SHROOM4: variants seen among roughly 807,000 people sequenced by gnomAD.
The protein encoded by SHROOM4 is protein Shroom4.
In SHROOM4, 17 loss-of-function variants were observed where a neutral mutation model predicts 80.3. The ratio of observed to expected loss-of-function variants is 0.21; its 90% confidence interval spans 0.14 to 0.32. The LOEUF (loss-of-function observed/expected upper bound fraction) is 0.32, where lower values mean the gene tolerates loss of function less well. Among genes scored for constraint, SHROOM4 ranks in the 10% least tolerant of loss-of-function variants. The probability of loss-of-function intolerance (pLI) is 1.00; values close to 1 mark genes in which losing one functional copy is unlikely to be tolerated. For missense variants in SHROOM4, 993 were observed against 1,140.3 expected, an observed-to-expected ratio of 0.87 and a Z score of 1.86; for synonymous variants, 400 against 437.5, an observed-to-expected ratio of 0.91 and a Z score of 1.07.
intron 2 of SHROOM4, among the ~76,000 whole-genome samples, chrX:50,681,360 G>A (rs1429884709): frequency 3.6e-5 from 4 of 111,413 alleles, no homozygotes; most frequent in African/African-American, 1.3e-4. Context: ...TTATATGCCT[G>A]GCTTCCTCTC....
chrX:50,634,816 G>A lies in SHROOM4; in HGVS notation c.1257C>T (p.Ser419=). ...TATCAAGGTGCACATGCTGCAGGTG[G>A]GATGCCAGCAGCTGTTCAGGGGCAC... is the stretch of plus-strand genomic sequence containing the variant. ...RHSAPEQLLA[S]HLQHVHLDTR... is the part of the protein sequence containing the mutation. Residue 419 remains serine, a synonymous_variant, in exon 4 of 9, where the codon TCC becomes TCT. Coordinates refer to ENST00000376020, the MANE Select transcript of SHROOM4 (RefSeq NM_020717.5). The A allele has an allele frequency of 8.3e-7, 1 of 1,211,118 alleles. No homozygotes were observed.
chrX:50,732,097 T>C (rs1199664319), intron 1 of SHROOM4, among the ~76,000 whole-genome samples: 2 of 111,671 alleles, frequency 1.8e-5, no homozygotes, highest in Non-Finnish European at 3.8e-5. Flanking sequence ...TAGGGAGTTG[T>C]TGTAAACAAC....
At chrX:50,802,406 C>T (rs1569549288) in intron 1 of SHROOM4, among the ~76,000 whole-genome samples, 1 of 111,918 alleles carries the variant, frequency 8.9e-6, no homozygotes, top group Non-Finnish European at 1.9e-5. Flanking sequence ...CTCAGAAGAT[C>T]CAAAACTGAA....
chrX:50,621,259 G>A (rs1353230686), intron 5 of SHROOM4, among the ~76,000 whole-genome samples: 2 of 111,831 alleles, frequency 1.8e-5, no homozygotes, highest in South Asian at 7.4e-4. Context: ...AATAGCTTGA[G>A]TCTGTTTCTA....
intron 1 of SHROOM4, among the ~76,000 whole-genome samples, chrX:50,755,659 G>C (rs1935025217): frequency 8.9e-6 from 1 of 111,846 alleles, no homozygotes; most frequent in Non-Finnish European, 1.9e-5. Context: ...TAGAAGCAGT[G>C]GTTTGAAAAA....
At chrX:50,640,215 G>A (rs1255565156) in intron 2 of SHROOM4, among the ~76,000 whole-genome samples, 1 of 111,735 alleles carries the variant, frequency 8.9e-6, no homozygotes, top group African/African-American at 3.3e-5. Context: ...AGGATATAGT[G>A]GTGAACAGGG....
chrX:50,762,248 A>C (rs1935174763), intron 1 of SHROOM4, among the ~76,000 whole-genome samples: 1 of 111,671 alleles, frequency 9.0e-6, no homozygotes, highest in African/African-American at 3.3e-5. Context: ...GGTACTCTTT[A>C]TTTCTTCCTG....
chrX:50,794,694 C>T (rs1935925016), intron 1 of SHROOM4, among the ~76,000 whole-genome samples: 1 of 107,401 alleles, frequency 9.3e-6, no homozygotes, highest in Admixed American at 1.0e-4. Flanking sequence ...TCTAGATTCA[C>T]AATCTCTAGA....
At chrX:50,649,954 G>T (rs1431310214) in intron 2 of SHROOM4, among the ~76,000 whole-genome samples, 3 of 112,175 alleles carry the variant, frequency 2.7e-5, no homozygotes, top group African/African-American at 6.5e-5. Flanking sequence ...CCACTGCAGG[G>T]TTATTCATAA....
At chrX:50,744,054 T>G (rs1212736227) in intron 1 of SHROOM4, among the ~76,000 whole-genome samples, 1 of 111,723 alleles carries the variant, frequency 9.0e-6, no homozygotes, top group Non-Finnish European at 1.9e-5. Flanking sequence ...GCTTTGAATT[T>G]CAGCATTTTG....
chrX:50,667,836 G>GTTT (rs1557260457), intron 2 of SHROOM4, among the ~76,000 whole-genome samples: 8 of 111,787 alleles, frequency 7.2e-5, no homozygotes, highest in Non-Finnish European at 1.5e-4. Context: ...GAGCTGAGAA[G>GTTT]CAACAACCTG....
intron 1 of SHROOM4, among the ~76,000 whole-genome samples, chrX:50,726,158 A>G (rs1433409211): frequency 8.9e-6 from 1 of 112,076 alleles, no homozygotes; most frequent in Non-Finnish European, 1.9e-5. Context: ...GAGATGATTT[A>G]GTATATCTGG....
rs374169450 is a variant in SHROOM4, at chrX:50,596,357, A to T, written c.*338T>A. 1.1e-4 allele frequency: 44 copies of T among 397,919 alleles called. 1 individual carries two copies. Among genetic ancestry groups the T allele is most frequent in the African/African-American group, 7.4e-4 (30 of 40,753 alleles). The allele number at this position is 397,919 out of a possible 1,213,427, so 32.8% of individuals were successfully genotyped here. A position where few individuals can be genotyped will look rare whatever the true frequency, so the allele number is the denominator to read the frequency against. ...CTGTTGATGATATGGGTGGGTGATG[A>T]GTACTTGATGTCTTTGGTGTCCTAG... is the stretch of plus-strand genomic sequence containing the variant. On this transcript the variant is annotated 3_prime_UTR_variant, in exon 9 of 9. Transcript: ENST00000376020.
intron 1 of SHROOM4, among the ~76,000 whole-genome samples, chrX:50,738,415 T>C (rs1191808316): frequency 1.3e-4 from 14 of 111,456 alleles, no homozygotes; most frequent in Non-Finnish European, 2.3e-4. Context: ...GACATGATTC[T>C]ATATTTAGAA....
At chrX:50,735,461 T>C (rs1934463569) in intron 1 of SHROOM4, among the ~76,000 whole-genome samples, 1 of 111,185 alleles carries the variant, frequency 9.0e-6, no homozygotes, top group South Asian at 3.8e-4. Context: ...AAAGAAAAAA[T>C]AGATCAATTG....
chrX:50,639,184 T>G (rs1163407645), intron 2 of SHROOM4, among the ~76,000 whole-genome samples: 8 of 112,245 alleles, frequency 7.1e-5, no homozygotes, highest in Non-Finnish European at 1.9e-5. Flanking sequence ...GCATGAGCAG[T>G]TGCCACCCTT....
At chrX:50,601,044 T>C (rs1248412641) in intron 7 of SHROOM4, among the ~76,000 whole-genome samples, 1 of 112,087 alleles carries the variant, frequency 8.9e-6, no homozygotes, top group Non-Finnish European at 1.9e-5. Flanking sequence ...TTCTTGGAAC[T>C]TGGGCTCTAC....
chrX:50,668,200 C>T (rs782550542), intron 2 of SHROOM4, among the ~76,000 whole-genome samples: 5 of 112,048 alleles, frequency 4.5e-5, no homozygotes, highest in South Asian at 3.8e-4. Flanking sequence ...CATAGGCATC[C>T]GCTCCCCGCT....
In SHROOM4 at chrX:50,814,088, T is replaced by C. The variant is rs1225625307; in HGVS notation, c.-70A>G. On this transcript the variant is annotated 5_prime_UTR_variant, in exon 1 of 9. Transcript: ENST00000376020. ...CTACGTTGCCTCCGCCCCCAGCAGC[T>C]CCGCCACCATCGCCCTCCAGCTCTA... 1 of 711,212 alleles carries C rather than the reference T, an allele frequency of 1.4e-6. No individual in the cohort carries two copies. Among genetic ancestry groups the C allele is most frequent in the Non-Finnish European group, 2.2e-6 (1 of 454,578 alleles). 58.6% of individuals were successfully genotyped at this position (711,212 alleles called of 1,213,427 possible).
Sources: allele counts gnomAD v4.1 joint callset (sites outside exome capture counted in the v4.1 genomes callset), GRCh38; gene constraint gnomAD v4.1.1; transcripts MANE v1.5; gene names NCBI Gene and HGNC (gene_info 2026-07-23, HGNC 2026-07-21).